CTNNA3: variants seen among roughly 807,000 people sequenced by gnomAD.
CTNNA3 encodes the protein catenin alpha 3.
A neutral mutation model predicts 95.7 loss-of-function variants in CTNNA3; 76 were observed. That is an observed-to-expected ratio of 0.79 (90% confidence interval 0.66 to 0.96). CTNNA3 has a LOEUF of 0.96. Ranked by LOEUF, CTNNA3 falls within the 40% of genes least tolerant of loss-of-function variation. The pLI is 0.00. For missense variants in CTNNA3, 1,191 were observed against 1,089.8 expected (o/e 1.09, Z -1.31); for synonymous variants, 431 against 374.4 (o/e 1.15, Z -1.74).
At chr10:66,449,254 G>A (rs1043681542) in intron 11 of CTNNA3, among the ~76,000 whole-genome samples, 7 of 152,124 alleles carry the variant, frequency 4.6e-5, no homozygotes, top group Non-Finnish European at 1.0e-4. Flanking sequence ...CACAGATTAC[G>A]GGAAAAATCA....
At chr10:66,775,661 C>T (rs2132822608) in intron 7 of CTNNA3, 137 bp from the exon 8 acceptor site, 4 of 603,740 alleles carry the variant, frequency 6.6e-6, no homozygotes, top group Middle Eastern at 3.2e-4. Flanking sequence ...ATATATGATT[C>T]ATGAGCATTT....
intron 5 of CTNNA3, among the ~76,000 whole-genome samples, chr10:67,477,160 T>G (rs1848045580): frequency 6.6e-6 from 1 of 152,008 alleles, no homozygotes; most frequent in African/African-American, 2.4e-5. Context: ...TTTCCTGGAC[T>G]AAGAGTTTAG....
intron 10 of CTNNA3, among the ~76,000 whole-genome samples, chr10:66,557,112 C>A (rs1422513400): frequency 6.6e-6 from 1 of 151,968 alleles, no homozygotes; most frequent in African/African-American, 2.4e-5. Context: ...TCATGACTTG[C>A]TCAATTCAGA....
At chr10:66,115,567 T>TAGATAGAC (rs1282562935) in intron 13 of CTNNA3, among the ~76,000 whole-genome samples, 13 of 129,592 alleles carry the variant, frequency 1.0e-4, no homozygotes, top group African/African-American at 3.3e-4. Flanking sequence ...GATAGATAGA[T>TAGATAGAC]AGACAGATAG....
In CTNNA3 at chr10:65,916,197, A is replaced by C. The variant is rs995274285; in HGVS notation, c.*4133T>G. On this transcript the variant is annotated 3_prime_UTR_variant, in exon 18 of 18. Coordinates refer to ENST00000433211, the MANE Select transcript of CTNNA3 (RefSeq NM_013266.4). ...TGGCAGAAATTTTCCTACTTTACTT[A>C]AAAAGAATTATTAAAATAATATAAA... The C allele has an allele frequency of 2.0e-5, 3 of 152,010 alleles. No homozygotes were observed. Among genetic ancestry groups the C allele is most frequent in the African/African-American group, 7.2e-5 (3 of 41,432 alleles). 9.4% of individuals were successfully genotyped at this position (152,010 alleles called of 1,614,324 possible).
chr10:67,637,436 C>G (rs1414586781), intron 2 of CTNNA3, among the ~76,000 whole-genome samples: 1 of 152,218 alleles, frequency 6.6e-6, no homozygotes, highest in East Asian at 1.9e-4. Context: ...TTGGAAAACA[C>G]TCTGCAGGAT....
intron 5 of CTNNA3, among the ~76,000 whole-genome samples, chr10:67,312,589 A>C (rs564056459): frequency 6.6e-6 from 1 of 152,268 alleles, no homozygotes; most frequent in Non-Finnish European, 1.5e-5. Context: ...AATAAGGGGG[A>C]GAAGAGGAGA....
intron 12 of CTNNA3, among the ~76,000 whole-genome samples, chr10:66,320,534 C>A (rs941925346): frequency 6.6e-6 from 1 of 152,108 alleles, no homozygotes; most frequent in Non-Finnish European, 1.5e-5. Context: ...ATCTCCACAA[C>A]CCTTGGCCAC....
intron 7 of CTNNA3, among the ~76,000 whole-genome samples, chr10:66,819,317 T>C (rs1316166842): frequency 6.6e-6 from 1 of 152,098 alleles, no homozygotes; most frequent in Non-Finnish European, 1.5e-5. Flanking sequence ...ATCTCTATCT[T>C]ACCCCATATA....
intron 9 of CTNNA3, among the ~76,000 whole-genome samples, chr10:66,735,250 T>C (rs1357881111): frequency 1.3e-5 from 2 of 151,862 alleles, no homozygotes; most frequent in Admixed American, 1.3e-4. Flanking sequence ...GGAAAATAAA[T>C]CAATTGGTAG....
chr10:66,891,874 C>T (rs1325078149), intron 7 of CTNNA3, among the ~76,000 whole-genome samples: 1 of 151,904 alleles, frequency 6.6e-6, no homozygotes, highest in East Asian at 1.9e-4. Flanking sequence ...TGAAATTTAA[C>T]AAATCAAGGA....
At chr10:66,689,348 C>G (rs1847428960) in intron 9 of CTNNA3, among the ~76,000 whole-genome samples, 1 of 152,122 alleles carries the variant, frequency 6.6e-6, no homozygotes, top group Non-Finnish European at 1.5e-5. Flanking sequence ...ACAGTTGTCC[C>G]ATAAAGCTCT....
At chr10:66,096,965 T>G (rs2081417697) in intron 14 of CTNNA3, among the ~76,000 whole-genome samples, 1 of 152,128 alleles carries the variant, frequency 6.6e-6, no homozygotes, top group Admixed American at 6.5e-5. Flanking sequence ...TACTAAATGG[T>G]GAGGGAAATA....
At position 66,530,101 on chromosome 10, in the gene CTNNA3, A is replaced by G. The variant is rs958539202; in HGVS notation, c.1375-9328T>C. On this transcript the variant is annotated intron_variant, in intron 10 of 17. Coordinates refer to ENST00000433211, the MANE Select transcript of CTNNA3 (RefSeq NM_013266.4). The stretch of plus-strand genomic sequence containing the variant: ...AAATCTACGTAATTTAATTTTTCCC[A>G]GAGATAGTTCAATATTGGCATTGAT... Among the ~76,000 whole-genome samples the G allele has an allele frequency of 2.6e-5, 4 of 152,326 alleles. No homozygotes were observed. The East Asian group carries it at 5.8e-4, about 22-fold the overall frequency.
At chr10:66,067,439 A>G (rs1001097100) in intron 15 of CTNNA3, among the ~76,000 whole-genome samples, 1 of 152,226 alleles carries the variant, frequency 6.6e-6, no homozygotes, top group Non-Finnish European at 1.5e-5. Context: ...ATATTTCTAC[A>G]TGATTGTCCA....
intron 5 of CTNNA3, among the ~76,000 whole-genome samples, chr10:67,283,056 A>G (rs1009394462): frequency 6.6e-6 from 1 of 152,174 alleles, no homozygotes; most frequent in African/African-American, 2.4e-5. Context: ...AGAAGGAAGG[A>G]CTGCTGCACA....
At chr10:66,222,309 C>T (rs2088976619) in intron 13 of CTNNA3, among the ~76,000 whole-genome samples, 1 of 152,172 alleles carries the variant, frequency 6.6e-6, no homozygotes, top group African/African-American at 2.4e-5. Context: ...CATTACTACT[C>T]TGTATTTGAT....
intron 9 of CTNNA3, among the ~76,000 whole-genome samples, chr10:66,699,496 C>A (rs1413600324): frequency 2.0e-5 from 3 of 151,830 alleles, no homozygotes; most frequent in Admixed American, 1.3e-4. Context: ...CATTGAGCAC[C>A]TTTTCATATA....
chr10:66,961,230 G>T, intron 7 of CTNNA3, among the ~76,000 whole-genome samples: 1 of 151,980 alleles, frequency 6.6e-6, no homozygotes, highest in Non-Finnish European at 1.5e-5. Flanking sequence ...CTATTGTTTT[G>T]TATAGTCTCT....
Sources: gnomAD v4.1 joint callset for allele counts (sites outside exome capture counted in the v4.1 genomes callset) on GRCh38, gnomAD v4.1.1 for gene constraint, MANE v1.5 for transcripts, NCBI Gene and HGNC (gene_info 2026-07-23, HGNC 2026-07-21) for gene names.